SLC35B1: variants seen among roughly 807,000 people sequenced by gnomAD.
SLC35B1 encodes ATP/ADP exchanger ER.
Under a neutral mutation model 36.6 loss-of-function variants are expected in SLC35B1, and 27 were observed. The observed-to-expected ratio is 0.74, with a 90% CI of 0.54 to 1.02. The LOEUF (loss-of-function observed/expected upper bound fraction) is 1.02. Among genes scored for constraint, SLC35B1 ranks in the 50% least tolerant of loss-of-function variants. The pLI is 0.00. For missense variants in SLC35B1, 321 were observed against 383.2 expected (o/e 0.84, Z 1.35); for synonymous variants, 162 against 152.5 (o/e 1.06, Z -0.46).
intron 4 of SLC35B1, 171 bp downstream of exon 4, chr17:49,705,695 A>G: frequency 1.4e-6 from 1 of 715,888 alleles, no homozygotes; most frequent in South Asian, 1.7e-5. Context: ...GCCTATGAAC[A>G]TCACAAGAAG....
At chr17:49,706,503 A>G in intron 2 of SLC35B1, 169 bp from the exon 3 acceptor site, 1 of 663,166 alleles carries the variant, frequency 1.5e-6, no homozygotes, top group Middle Eastern at 4.4e-4. Flanking sequence ...TACACTGGGA[A>G]ATCTCTGAAA....
At position 49,703,235 on chromosome 17, in the gene SLC35B1, T is replaced by C. The variant is rs144385507; in HGVS notation, c.715A>G (p.Ile239Val). Reference protein sequence around the residue: ...FLSFAERYPAIIYNILLFGLT... With the variant: ...FLSFAERYPAVIYNILLFGLT... ...CCAAAGAGCAGGATGTTATAGATGA[T>C]GGCAGGGTACCTTTCAGCAAAGCTC... The change falls in exon 7 of 9, where the codon ATC becomes GTC. Residue 239 changes from isoleucine to valine, a missense_variant. By Grantham distance (29) the Ile-to-Val change is conservative. Coordinates refer to ENST00000240333, the MANE Select transcript of SLC35B1 (RefSeq NM_005827.4). 9.0e-5 allele frequency: 146 copies of C among 1,614,056 alleles called. 1 individual carries two copies. The African/African-American group carries it at 1.3e-3, about 14-fold the overall frequency.
chr17:49,704,944 T>C (rs749411882), intron 5 of SLC35B1, 180 bp downstream of exon 5: 3 of 561,794 alleles, frequency 5.3e-6, no homozygotes, highest in Non-Finnish European at 9.4e-6. Flanking sequence ...TGTAGTTAAA[T>C]ATTTCAGGTT....
intron 6 of SLC35B1, chr17:49,703,811 T>C (rs1317855905): frequency 2.4e-6 from 1 of 409,926 alleles, no homozygotes; most frequent in South Asian, 2.3e-5. Context: ...GTGTGTCTCA[T>C]TTCCCTCATG....
At chr17:49,707,466 C>T in intron 1 of SLC35B1, 2 of 1,476,888 alleles carry the variant, frequency 1.4e-6, no homozygotes, top group Non-Finnish European at 1.8e-6. Context: ...ATAGAAGTCT[C>T]AGCCTGTAAA....
chr17:49,705,624 A>G (rs2073406280), intron 4 of SLC35B1: 1 of 601,466 alleles, frequency 1.7e-6, no homozygotes, highest in East Asian at 2.7e-5. Flanking sequence ...CATGCAACAC[A>G]GAAATGGCTG....
Position 49,704,162 on chromosome 17 carries a change from T to G in SLC35B1, c.593A>C (p.Gln198Pro). Reference sequence around the variant, plus strand: ...CAGCATCATGTGGTTGGAGCCTGTTTGGTAATGAGCCCGCATGTGGTCCTG... The same window carrying G: ...CAGCATCATGTGGTTGGAGCCTGTTGGGTAATGAGCCCGCATGTGGTCCTG... ...VSQDHMRAHYQTGSNHMMLNI... is the reference protein window; with the variant it reads ...VSQDHMRAHYPTGSNHMMLNI... The change falls in exon 6 of 9, where the codon CAA becomes CCA. Residue 198 changes from glutamine (Q) to proline (P), a missense_variant. Transcript: ENST00000240333. 1 of 1,614,102 alleles carries G rather than the reference T, an allele frequency of 6.2e-7. No individual in the cohort carries two copies. The highest frequency in any genetic ancestry group is 8.5e-7 in the Non-Finnish European group (1 of 1,180,012).
rs543535176 is a variant in SLC35B1, at chr17:49,701,596, G to A, written c.917-86C>T. The stretch of plus-strand genomic sequence containing the variant: ...GTGGTGGGGTGGGGTAGTCGGCCTT[G>A]TATCTCCAAAATGGGGGCTTTAAAT... On this transcript the variant is annotated intron_variant, in intron 8 of 8. Transcript: ENST00000240333. 5 of 1,059,484 alleles carry A rather than the reference G, an allele frequency of 4.7e-6. No individual in the cohort carries two copies. In the South Asian group the frequency reaches 6.4e-5, roughly 14 times the overall value. 65.6% of individuals were successfully genotyped at this position (1,059,484 alleles called of 1,614,324 possible).
upstream of SLC35B1, chr17:49,708,035 C>G: frequency 8.7e-7 from 1 of 1,154,866 alleles, no homozygotes; most frequent in Non-Finnish European, 1.2e-6. Flanking sequence ...CTCCTCAGAA[C>G]CCAGCAACCA....
chr17:49,705,784 G>C, intron 4 of SLC35B1, 82 bp downstream of exon 4: 1 of 1,373,586 alleles, frequency 7.3e-7, no homozygotes, highest in Non-Finnish European at 1.0e-6. Flanking sequence ...TGATGAAGCC[G>C]AGAGGGACAC....
At chr17:49,707,709 C>A in intron 1 of SLC35B1, 21 bp downstream of exon 1, 1 of 1,606,814 alleles carries the variant, frequency 6.2e-7, no homozygotes, top group Non-Finnish European at 8.5e-7. Context: ...AGACTGTCGG[C>A]CCGCCCCCGG....
Position 49,703,246 on chromosome 17 carries a change from CT to C in SLC35B1, c.703del (p.Arg235GlyfsTer14). 2 of 1,613,980 alleles carry C rather than the reference CT, an allele frequency of 1.2e-6. No homozygotes were observed. The highest frequency in any genetic ancestry group is 1.7e-6 in the Non-Finnish European group (2 of 1,179,980). ...ELWEFLSFAE[R>X]YPAIIYNILL... ...GATGTTATAGATGATGGCAGGGTAC[CT>C]TTCAGCAAAGCTCAAGAACTCCCAG... On this transcript the variant is annotated frameshift_variant, in exon 7 of 9. Transcript: ENST00000240333. LOFTEE classifies it high-confidence loss of function.
At chr17:49,704,041 G>A (rs1050402182) in intron 6 of SLC35B1, 59 bp downstream of exon 6, 8 of 1,609,506 alleles carry the variant, frequency 5.0e-6, no homozygotes, top group Non-Finnish European at 6.8e-6. Context: ...GGGATCAAAA[G>A]GATGAGGGCA....
At position 49,707,779 on chromosome 17, in the gene SLC35B1, G is replaced by A. The variant is rs768443773; in HGVS notation, c.55C>T (p.Leu19=). The part of the protein sequence containing the change: ...PDRLRLPLCF[L]GVFVCYFYYG... The stretch of plus-strand genomic sequence containing the variant: ...TAAAAATAGCAGACAAAGACACCCA[G>A]GAAGCAGAGCGGCAGGCGCAGCCGG... Residue 19 remains leucine (L), a synonymous_variant, in exon 1 of 9, where the codon CTG becomes TTG. Coordinates refer to ENST00000240333, the MANE Select transcript of SLC35B1 (RefSeq NM_005827.4). The A allele has an allele frequency of 1.9e-6, 3 of 1,612,150 alleles. No individual in the cohort carries two copies. The highest frequency in any genetic ancestry group is 1.7e-6 in the Non-Finnish European group (2 of 1,179,872).
intron 4 of SLC35B1, 167 bp downstream of exon 4, chr17:49,705,699 C>T: frequency 4.1e-6 from 3 of 725,812 alleles, no homozygotes; most frequent in Admixed American, 2.1e-5. Context: ...ATGAACATCA[C>T]AAGAAGTGAC....
chr17:49,706,346 C>CAAAAAAAAAAAAAAAAAAA lies in SLC35B1; in HGVS notation c.209-31_209-13dup, dbSNP rs61136804. The CAAAAAAAAAAAAAAAAAAA allele has an allele frequency of 6.8e-6, 5 of 733,608 alleles. No individual in the cohort carries two copies. Among genetic ancestry groups the CAAAAAAAAAAAAAAAAAAA allele is most frequent in the Admixed American group, 9.5e-5 (1 of 10,498 alleles). 45.4% of individuals were successfully genotyped at this position (733,608 alleles called of 1,614,324 possible). A position where few individuals can be genotyped will look rare whatever the true frequency, so the allele number is the denominator to read the frequency against. On this transcript the variant is annotated splice_polypyrimidine_tract_variant and intron_variant, in intron 2 of 8. Transcript: ENST00000240333. ...AAAAAACTGGATCACTGGGAGAAGA[C>CAAAAAAAAAAAAAAAAAAA]AAAAAAAAAAAAAAAAAAAGAAAAG... is the stretch of plus-strand genomic sequence containing the variant.
intron 8 of SLC35B1, chr17:49,702,640 G>T (rs1433125555): frequency 2.1e-6 from 1 of 485,738 alleles, no homozygotes; most frequent in Non-Finnish European, 3.7e-6. Flanking sequence ...GCTGAGGCAG[G>T]AGAATTGCTT....
At chr17:49,705,762 G>T in intron 4 of SLC35B1, 104 bp downstream of exon 4, 2 of 1,105,224 alleles carry the variant, frequency 1.8e-6, no homozygotes, top group Non-Finnish European at 1.4e-6. Flanking sequence ...CCTGGAGACA[G>T]CCATGATGGG....
chr17:49,707,669 G>A, intron 1 of SLC35B1, 61 bp downstream of exon 1: 1 of 1,565,600 alleles, frequency 6.4e-7, no homozygotes, highest in South Asian at 1.1e-5. Flanking sequence ...AGAGGCAGAA[G>A]GCCCGGGATC....
Sources: allele counts gnomAD v4.1 joint callset, GRCh38; gene constraint gnomAD v4.1.1; transcripts MANE v1.5; gene names NCBI Gene and HGNC (gene_info 2026-07-23, HGNC 2026-07-21).